Variants in B4GALT5 observed in about 807,000 individuals in gnomAD.
The protein encoded by B4GALT5 is beta-1,4-galactosyltransferase 5, also known as UDP-Gal:beta-GlcNAc beta-1,4-galactosyltransferase 5.
A neutral mutation model predicts 45.0 loss-of-function variants in B4GALT5; 11 were observed. The observed-to-expected ratio is 0.24, with a 90% CI of 0.15 to 0.40. The LOEUF (loss-of-function observed/expected upper bound fraction) is 0.40, where lower values mean the gene tolerates loss of function less well. B4GALT5 is among the 10% of genes least tolerant of loss of function. B4GALT5 has a pLI of 1.00. For missense variants in B4GALT5, 337 were observed against 500.2 expected (o/e 0.67, Z 3.11); for synonymous variants, 185 against 182.9 (o/e 1.01, Z -0.09).
At chr20:49,667,261 GTTTTT>G (rs869171877) in intron 1 of B4GALT5, among the ~76,000 whole-genome samples, 2 of 87,104 alleles carry the variant, frequency 2.3e-5, no homozygotes, top group Non-Finnish European at 5.6e-5. Flanking sequence ...TGTTGTTGTT[GTTTTT>G]TTTGAGACGG....
intron 1 of B4GALT5, among the ~76,000 whole-genome samples, chr20:49,692,167 T>A (rs779461329): frequency 3.9e-5 from 6 of 151,928 alleles, no homozygotes; most frequent in Non-Finnish European, 7.4e-5. Context: ...TTTTTTTTAA[T>A]GTATTCACTG....
At chr20:49,708,308 T>C (rs1280232019) in intron 1 of B4GALT5, among the ~76,000 whole-genome samples, 2 of 152,286 alleles carry the variant, frequency 1.3e-5, no homozygotes, top group African/African-American at 4.8e-5. Flanking sequence ...AGAATGTAAA[T>C]GAATTATCAA....
chr20:49,671,804 A>G (rs2085717124), intron 1 of B4GALT5, among the ~76,000 whole-genome samples: 1 of 152,188 alleles, frequency 6.6e-6, no homozygotes, highest in Admixed American at 6.5e-5. Context: ...CTACTTTATG[A>G]GCACCCTTTA....
chr20:49,672,000 A>G (rs1006028054), intron 1 of B4GALT5, among the ~76,000 whole-genome samples: 111 of 152,048 alleles, frequency 7.3e-4, no homozygotes, highest in African/African-American at 2.6e-3. Flanking sequence ...TTCTACCCCC[A>G]AATTATCCTA....
In B4GALT5 at chr20:49,635,347, T is replaced by G. The variant is rs926729681; in HGVS notation, c.*965A>C. ...GCTTTAGGCAGGAAGCAGCCTGCTC[T>G]AACAGCAGCCTCCCGCTTAGCGGAG... On this transcript the variant is annotated 3_prime_UTR_variant, in exon 9 of 9. Coordinates refer to ENST00000371711, the MANE Select transcript of B4GALT5 (RefSeq NM_004776.4). 1.3e-5 allele frequency: 2 copies of G among 150,944 alleles called. No individual in the cohort carries two copies. Among genetic ancestry groups the G allele is most frequent in the Non-Finnish European group, 2.9e-5 (2 of 67,876 alleles). 9.4% of individuals were successfully genotyped at this position (150,944 alleles called of 1,614,324 possible). A position where few individuals can be genotyped will look rare whatever the true frequency, so the allele number is the denominator to read the frequency against.
At position 49,662,221 on chromosome 20, in the gene B4GALT5, C is replaced by T. The variant is rs556476331; in HGVS notation, c.116-5519G>A. Among the ~76,000 whole-genome samples, 3 of 152,282 alleles carry T rather than the reference C, an allele frequency of 2.0e-5. No homozygotes were observed. In the South Asian group the frequency reaches 6.2e-4, roughly 32 times the overall value. On this transcript the variant is annotated intron_variant, in intron 1 of 8. Transcript: ENST00000371711. ...AACCAGAAAAGAAACCATTCCCTTC[C>T]TGACCACTTTTTACAATCTGTATCT...
At chr20:49,655,225 G>A (rs1424605041) in intron 2 of B4GALT5, among the ~76,000 whole-genome samples, 2 of 152,222 alleles carry the variant, frequency 1.3e-5, no homozygotes, top group Non-Finnish European at 2.9e-5. Flanking sequence ...GAGGTCAGGA[G>A]TTTGAGACCA....
At chr20:49,646,643 C>T (rs1427387583) in intron 3 of B4GALT5, among the ~76,000 whole-genome samples, 1 of 152,144 alleles carries the variant, frequency 6.6e-6, no homozygotes, top group East Asian at 1.9e-4. Flanking sequence ...TGATGTACTT[C>T]TCAGAAAGTA....
intron 1 of B4GALT5, among the ~76,000 whole-genome samples, chr20:49,712,967 G>C (rs2085923660): frequency 6.6e-6 from 1 of 151,670 alleles, no homozygotes. Context: ...CTGAAGAGGT[G>C]AACGTGAGTT....
At chr20:49,672,744 T>C (rs1468700742) in intron 1 of B4GALT5, among the ~76,000 whole-genome samples, 1 of 152,050 alleles carries the variant, frequency 6.6e-6, no homozygotes, top group Non-Finnish European at 1.5e-5. Context: ...ACACCTATAA[T>C]CCAAGCCCTT....
intron 1 of B4GALT5, among the ~76,000 whole-genome samples, chr20:49,671,133 C>T (rs2085714171): frequency 6.6e-6 from 1 of 152,210 alleles, no homozygotes; most frequent in Non-Finnish European, 1.5e-5. Context: ...AATCCCAGCA[C>T]TTTGGGAGGC....
chr20:49,661,643 C>T (rs1355620171), intron 1 of B4GALT5, among the ~76,000 whole-genome samples: 1 of 152,178 alleles, frequency 6.6e-6, no homozygotes. Flanking sequence ...GTGGTTAAAT[C>T]CTCCAGTTTC....
intron 1 of B4GALT5, among the ~76,000 whole-genome samples, chr20:49,669,016 C>T (rs1442968214): frequency 6.6e-6 from 1 of 152,052 alleles, no homozygotes; most frequent in African/African-American, 2.4e-5. Context: ...CGTACACCAC[C>T]ACATCTGGTG....
At chr20:49,705,319 A>G (rs915006078) in intron 1 of B4GALT5, among the ~76,000 whole-genome samples, 2 of 152,238 alleles carry the variant, frequency 1.3e-5, no homozygotes, top group Non-Finnish European at 2.9e-5. Flanking sequence ...AATGGTCCAA[A>G]AAAAGGAAAA....
Position 49,634,379 on chromosome 20 carries a change from A to C in B4GALT5, c.*1933T>G, listed in dbSNP as rs1481228263. ...AAGTTGAAGGCAAACAAGGCAATTA[A>C]AAAAAAATACGAAGTACTCTTCAGA... On this transcript the variant is annotated 3_prime_UTR_variant, in exon 9 of 9. Coordinates refer to ENST00000371711, the MANE Select transcript of B4GALT5 (RefSeq NM_004776.4). The C allele has an allele frequency of 6.6e-6, 1 of 152,206 alleles. No individual in the cohort carries two copies. The highest frequency in any genetic ancestry group is 1.5e-5 in the Non-Finnish European group (1 of 67,938). The allele number at this position is 152,206 out of a possible 1,614,324, so 9.4% of individuals were successfully genotyped here.
At chr20:49,687,397 G>A (rs905064112) in intron 1 of B4GALT5, among the ~76,000 whole-genome samples, 1 of 152,204 alleles carries the variant, frequency 6.6e-6, no homozygotes, top group Non-Finnish European at 1.5e-5. Flanking sequence ...TGTAATCCCA[G>A]CACTTTGAGA....
chr20:49,644,738 T>C (rs144477425), intron 3 of B4GALT5, among the ~76,000 whole-genome samples: 73 of 152,300 alleles, frequency 4.8e-4, no homozygotes, highest in African/African-American at 1.6e-3. Flanking sequence ...TGGTGAGACA[T>C]GCAAATGAAA....
At chr20:49,642,656 T>A in intron 4 of B4GALT5, 72 bp from the exon 5 acceptor site, 1 of 1,057,762 alleles carries the variant, frequency 9.5e-7, no homozygotes, top group East Asian at 2.4e-5. Flanking sequence ...ACACCCCTGA[T>A]GAATTGCTGA....
chr20:49,675,042 A>G (rs532299287), intron 1 of B4GALT5, among the ~76,000 whole-genome samples: 1 of 152,312 alleles, frequency 6.6e-6, no homozygotes, highest in African/African-American at 2.4e-5. Context: ...AAAATAATCT[A>G]TCACAACAAA....
Sources: gnomAD v4.1 joint callset for allele counts (sites outside exome capture counted in the v4.1 genomes callset) on GRCh38, gnomAD v4.1.1 for gene constraint, MANE v1.5 for transcripts, NCBI Gene and HGNC (gene_info 2026-07-23, HGNC 2026-07-21) for gene names.